Variants in GABRG3 observed in about 807,000 individuals in gnomAD.
GABRG3 encodes gamma-aminobutyric acid receptor subunit gamma-3.
A neutral mutation model predicts 48.8 loss-of-function variants in GABRG3; 25 were observed. The observed-to-expected ratio is 0.51, with a 90% CI of 0.37 to 0.72. The LOEUF (loss-of-function observed/expected upper bound fraction) is 0.72, where lower values mean the gene tolerates loss of function less well. GABRG3 is among the 30% of genes least tolerant of loss of function. The pLI is 0.00. For missense variants in GABRG3, 394 were observed against 577.9 expected, an observed-to-expected ratio of 0.68 and a Z score of 3.26; for synonymous variants, 227 against 217.6, an observed-to-expected ratio of 1.04 and a Z score of -0.38.
chr15:27,155,031 A>C (rs1274891072), intron 3 of GABRG3, among the ~76,000 whole-genome samples: 2 of 151,528 alleles, frequency 1.3e-5, no homozygotes, highest in Non-Finnish European at 2.9e-5. Context: ...CAAATACTAG[A>C]TCTTTTGTCT....
At chr15:27,426,903 A>G (rs1251436559) in intron 5 of GABRG3, among the ~76,000 whole-genome samples, 1 of 152,294 alleles carries the variant, frequency 6.6e-6, no homozygotes, top group Non-Finnish European at 1.5e-5. Flanking sequence ...CTTGCACTGC[A>G]TGATGCTTTC....
intron 3 of GABRG3, among the ~76,000 whole-genome samples, chr15:27,032,862 T>C (rs1896109727): frequency 6.6e-6 from 1 of 152,060 alleles, no homozygotes; most frequent in South Asian, 2.1e-4. Flanking sequence ...AGGTCTGAGC[T>C]GGCATGGGGC....
chr15:27,320,499 C>G (rs1323381301), intron 3 of GABRG3, among the ~76,000 whole-genome samples: 3 of 152,178 alleles, frequency 2.0e-5, no homozygotes, highest in African/African-American at 7.2e-5. Flanking sequence ...TTTTTCCACA[C>G]TGCAGAATCC....
In GABRG3 at chr15:27,247,972, C is replaced by T. The variant is rs113628219; in HGVS notation, c.271-78837C>T. Among the ~76,000 whole-genome samples, 806 of 152,302 alleles carry T rather than the reference C, an allele frequency of 5.3e-3. 10 individuals carry two copies. Among genetic ancestry groups the T allele is most frequent in the African/African-American group, 0.018 (733 of 41,556 alleles). On this transcript the variant is annotated intron_variant, in intron 3 of 9. Coordinates refer to ENST00000615808, the MANE Select transcript of GABRG3 (RefSeq NM_033223.5). The stretch of plus-strand genomic sequence containing the variant: ...GTGGGGACACAGAGCCAAACCATAA[C>T]GCATGACTACACATAAGTAGATGTC...
chr15:27,059,451 A>G (rs1896608488), intron 3 of GABRG3, among the ~76,000 whole-genome samples: 1 of 152,206 alleles, frequency 6.6e-6, no homozygotes, highest in Non-Finnish European at 1.5e-5. Context: ...ATGAGATACT[A>G]TGTTGGCTAT....
At chr15:27,284,016 A>G (rs1359002545) in intron 3 of GABRG3, among the ~76,000 whole-genome samples, 1 of 152,154 alleles carries the variant, frequency 6.6e-6, no homozygotes, top group Non-Finnish European at 1.5e-5. Context: ...TTGCCCAAAG[A>G]ACTCACCTCA....
intron 5 of GABRG3, among the ~76,000 whole-genome samples, chr15:27,407,363 G>A (rs1292296877): frequency 6.6e-6 from 1 of 152,192 alleles, no homozygotes; most frequent in Non-Finnish European, 1.5e-5. Flanking sequence ...TATTGCTGGT[G>A]GAAATGAACA....
chr15:27,251,857 C>T (rs1036839438), intron 3 of GABRG3, among the ~76,000 whole-genome samples: 2 of 152,134 alleles, frequency 1.3e-5, no homozygotes, highest in Admixed American at 6.5e-5. Context: ...GGTCCTACCC[C>T]CTGTCTCTGC....
intron 3 of GABRG3, among the ~76,000 whole-genome samples, chr15:27,041,192 AC>A (rs529673446): frequency 6.6e-6 from 1 of 152,184 alleles, no homozygotes; most frequent in Non-Finnish European, 1.5e-5. Flanking sequence ...TTTAACGTAA[AC>A]TTTTTTTGAG....
At chr15:27,290,168 A>G (rs910949539) in intron 3 of GABRG3, among the ~76,000 whole-genome samples, 14 of 152,226 alleles carry the variant, frequency 9.2e-5, no homozygotes, top group African/African-American at 3.4e-4. Flanking sequence ...GAAGATTTTC[A>G]GCCATAAAAT....
intron 3 of GABRG3, among the ~76,000 whole-genome samples, chr15:27,272,129 T>C (rs1891110865): frequency 1.3e-5 from 2 of 152,358 alleles, no homozygotes; most frequent in South Asian, 4.1e-4. Context: ...ATCCAGACTG[T>C]CCTCAGAGGC....
intron 5 of GABRG3, among the ~76,000 whole-genome samples, chr15:27,382,156 G>C (rs536520625): frequency 6.6e-6 from 1 of 152,150 alleles, no homozygotes; most frequent in Non-Finnish European, 1.5e-5. Context: ...AATTTATTGA[G>C]TCTCTAATGT....
At chr15:27,418,259 C>T (rs2140607715) in intron 5 of GABRG3, among the ~76,000 whole-genome samples, 1 of 152,236 alleles carries the variant, frequency 6.6e-6, no homozygotes, top group Admixed American at 6.5e-5. Flanking sequence ...TGGTGTTGCT[C>T]TGATGTAGTG....
chr15:27,527,359 G>T (rs140678), intron 7 of GABRG3, 74 bp from the exon 8 acceptor site: 775,232 of 1,389,448 alleles, frequency 0.56, 220,806 homozygotes, highest in African/African-American at 0.8. Flanking sequence ...TGGGGTGGAG[G>T]GATGTGGGTG....
At chr15:27,489,934 G>A (rs1329294941) in intron 6 of GABRG3, among the ~76,000 whole-genome samples, 1 of 152,156 alleles carries the variant, frequency 6.6e-6, no homozygotes, top group Non-Finnish European at 1.5e-5. Context: ...TTTTAGTCAT[G>A]AAGTCTTTGC....
intron 3 of GABRG3, among the ~76,000 whole-genome samples, chr15:27,087,224 C>T (rs532721968): frequency 3.3e-5 from 5 of 152,258 alleles, no homozygotes; most frequent in Admixed American, 2.0e-4. Context: ...TGAGGTGCAG[C>T]GGGCATGTCT....
intron 3 of GABRG3, among the ~76,000 whole-genome samples, chr15:27,295,645 G>A (rs571202373): frequency 5.9e-5 from 9 of 152,274 alleles, no homozygotes; most frequent in Admixed American, 3.3e-4. Flanking sequence ...AACAATATGC[G>A]GAGACTCTCA....
rs376198458 is a variant in GABRG3 at position 27,215,630 on chromosome 15, C to A, written c.271-111179C>A. 6.5e-4 allele frequency among the ~76,000 whole-genome samples: 99 copies of A among 152,278 alleles called. 1 individual carries two copies. Among genetic ancestry groups the A allele is most frequent in the African/African-American group, 2.3e-3 (95 of 41,566 alleles). ...CTTCTTAGCTGCACCCGTTATTAAA[C>A]ACATTTGCAAAACTTGCATGGGAGG... On this transcript the variant is annotated intron_variant, in intron 3 of 9. Transcript: ENST00000615808.
chr15:27,445,263 T>G (rs1170634083), intron 5 of GABRG3, among the ~76,000 whole-genome samples: 2 of 152,216 alleles, frequency 1.3e-5, no homozygotes, highest in African/African-American at 4.8e-5. Flanking sequence ...CTTAATCTCT[T>G]GAGGAACTGC....
Sources: allele counts gnomAD v4.1 joint callset (sites outside exome capture counted in the v4.1 genomes callset), GRCh38; gene constraint gnomAD v4.1.1; transcripts MANE v1.5; gene names NCBI Gene and HGNC (gene_info 2026-07-23, HGNC 2026-07-21).